PRKN: variants seen among roughly 807,000 people sequenced by gnomAD.
The protein encoded by PRKN is parkin RBR E3 ubiquitin protein ligase.
Under a neutral mutation model 59.5 loss-of-function variants are expected in PRKN, and 56 were observed. The observed-to-expected ratio is 0.94, with a 90% CI of 0.76 to 1.18. The LOEUF is 1.18. Among genes scored for constraint, PRKN ranks in the 50% most tolerant of loss-of-function variants. PRKN has a pLI of 0.00. For synonymous variants in PRKN, 250 were observed against 222.1 expected (o/e 1.13, Z -1.12); for missense variants, 657 against 596.4 (o/e 1.10, Z -1.06).
chr6:162,490,562 A>C (rs1792763138), intron 1 of PRKN, among the ~76,000 whole-genome samples: 1 of 152,244 alleles, frequency 6.6e-6, no homozygotes, highest in Non-Finnish European at 1.5e-5. Context: ...GACTCTAAAC[A>C]AAGTATTCTA....
intron 4 of PRKN, among the ~76,000 whole-genome samples, chr6:162,149,470 C>G (rs1488114166): frequency 6.6e-6 from 1 of 152,120 alleles, no homozygotes; most frequent in East Asian, 1.9e-4. Flanking sequence ...TCTCAAATTC[C>G]TGACCTCAAA....
chr6:161,636,880 C>T (rs1331365548), intron 7 of PRKN, among the ~76,000 whole-genome samples: 2 of 152,148 alleles, frequency 1.3e-5, no homozygotes, highest in Non-Finnish European at 2.9e-5. Context: ...CGCACGTCAA[C>T]AGCTGTAAGC....
At chr6:162,335,268 C>T (rs895515166) in intron 2 of PRKN, among the ~76,000 whole-genome samples, 1 of 151,862 alleles carries the variant, frequency 6.6e-6, no homozygotes. Flanking sequence ...TCTTGAACTC[C>T]TGACCTCAGG....
intron 6 of PRKN, among the ~76,000 whole-genome samples, chr6:161,793,121 G>A (rs1008007454): frequency 3.9e-5 from 6 of 152,198 alleles, no homozygotes; most frequent in Non-Finnish European, 8.8e-5. Context: ...CACTGGAGAG[G>A]AGCCTGCTCC....
chr6:161,396,981 T>C lies in PRKN; in HGVS notation c.1084-10104A>G, dbSNP rs1190522440. On this transcript the variant is annotated intron_variant, in intron 9 of 11. Transcript: ENST00000366898. This position sits in a 1 kb window ranked among gnomAD's most constrained non-coding sequence, Gnocchi z 5.4. ...TGATACATTAACCCTTTATTGTATGTTGAGCAGTCTCATAGGTGCCCTGCA... is the reference window on the plus strand; with the variant it reads ...TGATACATTAACCCTTTATTGTATGCTGAGCAGTCTCATAGGTGCCCTGCA... 6.6e-6 allele frequency among the ~76,000 whole-genome samples: 1 copy of C among 152,214 alleles called. No individual in the cohort carries two copies. The highest frequency in any genetic ancestry group is 1.9e-4 in the East Asian group (1 of 5,194).
intron 1 of PRKN, among the ~76,000 whole-genome samples, chr6:162,715,988 A>G (rs1236389330): frequency 6.6e-6 from 1 of 152,210 alleles, no homozygotes; most frequent in East Asian, 1.9e-4. Flanking sequence ...CCTCCATGAT[A>G]ACATCTATTA....
chr6:162,501,694 T>A (rs1022921588), intron 1 of PRKN, among the ~76,000 whole-genome samples: 4 of 152,010 alleles, frequency 2.6e-5, no homozygotes, highest in Admixed American at 2.6e-4. Flanking sequence ...TGGAATATGT[T>A]TACAAGGAAG....
chr6:161,832,380 C>T (rs1157488203), intron 6 of PRKN, among the ~76,000 whole-genome samples: 2 of 152,028 alleles, frequency 1.3e-5, no homozygotes, highest in African/African-American at 2.4e-5. Context: ...AATCTCAGCA[C>T]TTTGGGAGTC....
intron 6 of PRKN, among the ~76,000 whole-genome samples, chr6:161,807,471 T>C (rs1254084267): frequency 6.6e-6 from 1 of 152,158 alleles, no homozygotes; most frequent in Non-Finnish European, 1.5e-5. Flanking sequence ...CATGACAAAG[T>C]ACCACAAACC....
chr6:162,075,980 T>G (rs891039807), intron 4 of PRKN, among the ~76,000 whole-genome samples: 25 of 107,742 alleles, frequency 2.3e-4, no homozygotes, highest in African/African-American at 8.2e-4. Flanking sequence ...TTTTTTTTTT[T>G]TTTTTTAAGA....
chr6:161,733,780 AAAAATATAT>A lies in PRKN; in HGVS notation c.871+51983_871+51991del, dbSNP rs1471836259. On this transcript the variant is annotated intron_variant, in intron 7 of 11. Coordinates refer to ENST00000366898, the MANE Select transcript of PRKN (RefSeq NM_004562.3). ...AAATTCCCAGGGGGTGAAAAAAAAAAAAAATATATATATATATGTATATATATATATATA... is the reference window on the plus strand; with the variant it reads ...AAATTCCCAGGGGGTGAAAAAAAAAAATATATATGTATATATATATATATA... 8.7e-4 allele frequency among the ~76,000 whole-genome samples: 74 copies of A among 84,762 alleles called. 1 individual carries two copies. The highest frequency in any genetic ancestry group is 5.4e-3 in the African/African-American group (74 of 13,666). 55.6% of individuals were successfully genotyped at this position (84,762 alleles called of 152,430 possible).
In PRKN at chr6:161,526,097, C is replaced by G. The variant is rs1290412203; in HGVS notation, c.1083+22757G>C. Among the ~76,000 whole-genome samples the G allele has an allele frequency of 6.6e-6, 1 of 152,082 alleles. No homozygotes were observed. On this transcript the variant is annotated intron_variant, in intron 9 of 11. Transcript: ENST00000366898. The surrounding 1 kb of genome is among the most constrained non-coding windows in gnomAD (Gnocchi z 4.1). ...ATGATCACTCACATATAATAGTGGGCTGATAAACCAGCTCTTTTCCAACCT... is the reference window on the plus strand; with the variant it reads ...ATGATCACTCACATATAATAGTGGGGTGATAAACCAGCTCTTTTCCAACCT...
chr6:162,275,023 G>C (rs940886332), intron 2 of PRKN: 1 of 147,776 alleles, frequency 6.8e-6, no homozygotes, highest in South Asian at 2.2e-4. Flanking sequence ...GGAGCTTGCA[G>C]TGAGTGGAGA....
At chr6:161,464,850 C>A (rs908427064) in intron 9 of PRKN, among the ~76,000 whole-genome samples, 1 of 152,216 alleles carries the variant, frequency 6.6e-6, no homozygotes, top group Admixed American at 6.5e-5. Context: ...AGGCAATACA[C>A]AAGTTCCTCC....
intron 6 of PRKN, among the ~76,000 whole-genome samples, chr6:161,914,261 A>G (rs941546979): frequency 6.6e-6 from 1 of 152,182 alleles, no homozygotes; most frequent in Non-Finnish European, 1.5e-5. Context: ...GGATGTCTAG[A>G]TATTGGTAAA....
intron 1 of PRKN, among the ~76,000 whole-genome samples, chr6:162,563,317 C>CAAAAAAAA (rs55881751): frequency 2.1e-5 from 3 of 145,710 alleles, no homozygotes; most frequent in Non-Finnish European, 4.6e-5. Context: ...AAACAAAAAA[C>CAAAAAAAA]AAAAAAAAAA....
intron 5 of PRKN, among the ~76,000 whole-genome samples, chr6:162,020,990 C>A (rs552881755): frequency 6.6e-6 from 1 of 150,570 alleles, no homozygotes; most frequent in African/African-American, 2.4e-5. Context: ...GTAATCCCAG[C>A]TACTCAGGAG....
At chr6:162,398,306 G>T (rs915378364) in intron 2 of PRKN, among the ~76,000 whole-genome samples, 1 of 151,926 alleles carries the variant, frequency 6.6e-6, no homozygotes, top group Non-Finnish European at 1.5e-5. Context: ...ATCATAGGTA[G>T]TTATAATGTT....
chr6:162,664,710 C>T (rs2128228890), intron 1 of PRKN, among the ~76,000 whole-genome samples: 1 of 152,066 alleles, frequency 6.6e-6, no homozygotes, highest in East Asian at 1.9e-4. Context: ...CTGTTCATAT[C>T]CTTTGCCCAC....
Sources: allele counts gnomAD v4.1 joint callset (sites outside exome capture counted in the v4.1 genomes callset), GRCh38; gene constraint gnomAD v4.1.1; non-coding constraint Gnocchi (gnomAD v3.1); transcripts MANE v1.5; gene names NCBI Gene and HGNC (gene_info 2026-07-23, HGNC 2026-07-21).